Variants in HSP90AA1 observed in about 807,000 individuals in gnomAD.
HSP90AA1 encodes heat shock protein HSP 90-alpha.
Under a neutral mutation model 73.3 loss-of-function variants are expected in HSP90AA1, and 18 were observed. The observed-to-expected ratio is 0.25, with a 90% CI of 0.17 to 0.36. The LOEUF (loss-of-function observed/expected upper bound fraction) is 0.36. HSP90AA1 is among the 10% of genes least tolerant of loss of function. The pLI is 1.00. For synonymous variants in HSP90AA1, 477 were observed against 296.9 expected (o/e 1.61, Z -6.24); for missense variants, 704 against 874.2 (o/e 0.81, Z 2.45).
intron 6 of HSP90AA1, 98 bp from the exon 7 acceptor site, chr14:102,084,081 C>T (rs747687511): frequency 1.7e-5 from 17 of 971,836 alleles, no homozygotes; most frequent in Middle Eastern, 4.1e-4. Flanking sequence ...GATGATGGGA[C>T]GTATTTTTGA....
chr14:102,112,134 G>A (rs2049649519), intron 1 of HSP90AA1, among the ~76,000 whole-genome samples: 1 of 152,240 alleles, frequency 6.6e-6, no homozygotes. Flanking sequence ...AGTGTTTGGA[G>A]TTTGGACCTC....
At chr14:102,087,949 T>C (rs11623605), upstream of HSP90AA1, among the ~76,000 whole-genome samples, 38,057 of 87,914 alleles carry the variant, frequency 0.43, 4,664 homozygotes, top group East Asian at 0.53. Context: ...TTTTTTTTTT[T>C]TCTTTTTTTT....
upstream of HSP90AA1, among the ~76,000 whole-genome samples, chr14:102,089,540 C>T (rs535919961): frequency 6.6e-6 from 1 of 152,302 alleles, no homozygotes; most frequent in African/African-American, 2.4e-5. Flanking sequence ...GACTCATGCC[C>T]CTCTCCCTGG....
rs529485586 is a variant in HSP90AA1, at chr14:102,139,364, C to A, written c.41G>T (p.Gly14Val). Residue 14 changes from glycine to valine, a missense_variant, in exon 1 of 12, where the codon GGG (glycine) becomes GTG (valine). Coordinates refer to the HSP90AA1 transcript ENST00000334701. ...ACAGTCCCTGTCCCGAAGGGAGGGC[C>A]CAGGAGGGGTGGAGCCGTCCCCGCC... is the stretch of plus-strand genomic sequence containing the variant. The A allele has an allele frequency of 2.2e-5, 35 of 1,606,580 alleles. No homozygotes were observed. The African/African-American group carries it at 4.3e-4, about 20-fold the overall frequency.
chr14:102,126,828 G>T (rs921618387), intron 1 of HSP90AA1, among the ~76,000 whole-genome samples: 1 of 152,056 alleles, frequency 6.6e-6, no homozygotes, highest in African/African-American at 2.4e-5. Context: ...GCGCCCGGCC[G>T]ACTAGATTCT....
At chr14:102,109,942 AT>A (rs908706647) in intron 1 of HSP90AA1, among the ~76,000 whole-genome samples, 1 of 151,054 alleles carries the variant, frequency 6.6e-6, no homozygotes, top group Non-Finnish European at 1.5e-5. Flanking sequence ...TCGTTATTTT[AT>A]TTTTTTTTGA....
upstream of HSP90AA1, among the ~76,000 whole-genome samples, chr14:102,090,459 T>TG (rs1240489364): frequency 5.1e-5 from 4 of 79,100 alleles, no homozygotes; most frequent in Non-Finnish European, 1.5e-4. Flanking sequence ...TATTTCTTTT[T>TG]TTTTTTTTGA....
chr14:102,103,566 G>A (rs533941512), intron 1 of HSP90AA1, among the ~76,000 whole-genome samples: 14 of 152,104 alleles, frequency 9.2e-5, no homozygotes, highest in Non-Finnish European at 1.3e-4. Context: ...TACGTTGGGA[G>A]GCCGAGGGGG....
At position 102,124,263 on chromosome 14, in the gene HSP90AA1, C is replaced by T. The variant is rs537573829; in HGVS notation, c.155+14987G>A. 2.9e-5 allele frequency among the ~76,000 whole-genome samples: 4 copies of T among 139,786 alleles called. No individual in the cohort carries two copies. In the South Asian group the frequency reaches 9.2e-4, roughly 32 times the overall value. The allele number at this position is 139,786 out of a possible 152,430, so 91.7% of individuals were successfully genotyped here. A position where few individuals can be genotyped will look rare whatever the true frequency, so the allele number is the denominator to read the frequency against. ...CTGGAGCACAATGGCACGATCTGGG[C>T]TCACTGCAACCTCTGCCTCCTGGGT... On this transcript the variant is annotated intron_variant, in intron 1 of 11. Transcript: ENST00000334701.
At chr14:102,088,946 C>T (rs1412933026), upstream of HSP90AA1, among the ~76,000 whole-genome samples, 3 of 151,270 alleles carry the variant, frequency 2.0e-5, no homozygotes, top group Non-Finnish European at 4.4e-5. Context: ...ACTCTTGGTC[C>T]CCCAGGCTCG....
At chr14:102,112,711 C>T (rs1308619379) in intron 1 of HSP90AA1, among the ~76,000 whole-genome samples, 1 of 151,126 alleles carries the variant, frequency 6.6e-6, no homozygotes, top group East Asian at 2.0e-4. Flanking sequence ...GAGCTCTTGG[C>T]CTCAAGGCAT....
At chr14:102,086,559 G>A (rs1172167514) in intron 1 of HSP90AA1, among the ~76,000 whole-genome samples, 181 bp from the exon 2 acceptor site, 1 of 152,150 alleles carries the variant, frequency 6.6e-6, no homozygotes, top group South Asian at 2.1e-4. Flanking sequence ...CAACTACCAC[G>A]AGCGTGTGCG....
At chr14:102,088,450 C>G (rs746778840), upstream of HSP90AA1, among the ~76,000 whole-genome samples, 2 of 152,226 alleles carry the variant, frequency 1.3e-5, no homozygotes, top group Non-Finnish European at 2.9e-5. Flanking sequence ...TGCTCAGGAG[C>G]AGGGGTTTTC....
intron 4 of HSP90AA1, 115 bp downstream of exon 4, chr14:102,085,183 G>A: frequency 1.4e-6 from 2 of 1,422,994 alleles, no homozygotes; most frequent in Non-Finnish European, 2.0e-6. Flanking sequence ...AGGTAGTAGA[G>A]CTTAGGTTCC....
At chr14:102,084,071 G>A (rs34045059) in intron 6 of HSP90AA1, 88 bp from the exon 7 acceptor site, 24 of 1,023,806 alleles carry the variant, frequency 2.3e-5, no homozygotes, top group Non-Finnish European at 3.0e-5. Flanking sequence ...ATAACCTGAA[G>A]ATGATGGGAC....
At chr14:102,131,179 C>A (rs1411640463) in intron 1 of HSP90AA1, among the ~76,000 whole-genome samples, 1 of 152,190 alleles carries the variant, frequency 6.6e-6, no homozygotes, top group South Asian at 2.1e-4. Flanking sequence ...TCCTGATCTT[C>A]CTTTCAAAAC....
At chr14:102,088,987 A>T (rs1032595041), upstream of HSP90AA1, among the ~76,000 whole-genome samples, 1 of 143,252 alleles carries the variant, frequency 7.0e-6, no homozygotes, top group Non-Finnish European at 1.5e-5. Flanking sequence ...GCTCACTGCA[A>T]CCTGCTCACT....
chr14:102,084,391 A>G lies in HSP90AA1; in HGVS notation c.1147+8T>C. 2 of 1,610,658 alleles carry G rather than the reference A, an allele frequency of 1.2e-6. No individual in the cohort carries two copies. The highest frequency in any genetic ancestry group is 2.2e-5 in the South Asian group (2 of 90,996). On this transcript the variant is annotated splice_region_variant and intron_variant, in intron 6 of 10. Coordinates refer to ENST00000216281, the MANE Select transcript of HSP90AA1 (RefSeq NM_005348.4). ...GTGACAGTGATTATTTTTCCTATCT[A>G]TACTTACTCAGATATTCAGGGATTA...
rs1428363548 is a variant in HSP90AA1 at position 102,093,234 on chromosome 14, G to A, written c.367-6856C>T. Among the ~76,000 whole-genome samples, 5 of 149,736 alleles carry A rather than the reference G, an allele frequency of 3.3e-5. No individual in the cohort carries two copies. The East Asian group carries it at 9.7e-4, about 29-fold the overall frequency. ...TATATATTTAAAAAAAAAAAGGCCG[G>A]GTGCAGTGGCTCACGCCTGTAATCC... On this transcript the variant is annotated intron_variant, in intron 2 of 11. Coordinates refer to the HSP90AA1 transcript ENST00000334701.
Sources: gnomAD v4.1 joint callset for allele counts (sites outside exome capture counted in the v4.1 genomes callset) on GRCh38, gnomAD v4.1.1 for gene constraint, MANE v1.5 for transcripts, NCBI Gene and HGNC (gene_info 2026-07-23, HGNC 2026-07-21) for gene names.